FOXJ3: variants seen among roughly 807,000 people sequenced by gnomAD.
The protein encoded by FOXJ3 is forkhead box J3.
In FOXJ3, 22 loss-of-function variants were observed where a neutral mutation model predicts 76.1. The ratio of observed to expected loss-of-function variants is 0.29; its 90% CI spans 0.21 to 0.41. The LOEUF is 0.41. FOXJ3 is among the 10% of genes least tolerant of loss of function. FOXJ3 has a pLI of 1.00. For synonymous variants in FOXJ3, 269 were observed against 261.2 expected, an observed-to-expected ratio of 1.03 and a Z score of -0.29; for missense variants, 613 against 762.1, an observed-to-expected ratio of 0.80 and a Z score of 2.30.
At chr1:42,263,149 ATC>A (rs1484297611) in intron 4 of FOXJ3, among the ~76,000 whole-genome samples, 2 of 152,204 alleles carry the variant, frequency 1.3e-5, no homozygotes, top group African/African-American at 4.8e-5. Context: ...TGTTTTCCAT[ATC>A]TGTCTTACCC....
intron 4 of FOXJ3, among the ~76,000 whole-genome samples, chr1:42,257,402 G>C (rs1237373154): frequency 6.6e-6 from 1 of 152,052 alleles, no homozygotes; most frequent in Non-Finnish European, 1.5e-5. Context: ...AAAAAATCAA[G>C]GTAATCAAGA....
At chr1:42,284,080 G>A (rs1006899650) in intron 2 of FOXJ3, among the ~76,000 whole-genome samples, 10 of 152,076 alleles carry the variant, frequency 6.6e-5, no homozygotes, top group East Asian at 1.9e-4. Flanking sequence ...CATCCCAGCC[G>A]CAGACTGCCT....
chr1:42,309,741 T>G (rs975208839), intron 2 of FOXJ3, among the ~76,000 whole-genome samples: 2 of 152,230 alleles, frequency 1.3e-5, no homozygotes, highest in Non-Finnish European at 2.9e-5. Flanking sequence ...CCATCAACAC[T>G]TCATATTCTA....
At chr1:42,280,105 C>T (rs970201172) in intron 2 of FOXJ3, among the ~76,000 whole-genome samples, 4 of 152,112 alleles carry the variant, frequency 2.6e-5, no homozygotes, top group African/African-American at 7.2e-5. Context: ...AACAATAGTA[C>T]TTATGGTCAA....
At chr1:42,320,736 C>A (rs1655384835) in intron 1 of FOXJ3, among the ~76,000 whole-genome samples, 1 of 152,110 alleles carries the variant, frequency 6.6e-6, no homozygotes, top group South Asian at 2.1e-4. Context: ...AAAAGCTAAT[C>A]TACTGCAAAA....
At position 42,191,454 on chromosome 1, in the gene FOXJ3, T is replaced by A. The variant is rs747794049; in HGVS notation, c.1200A>T (p.Pro400=). Residue 400 remains proline, a synonymous_variant, in exon 9 of 13, where the codon CCA becomes CCT. Coordinates refer to ENST00000361346, the MANE Select transcript of FOXJ3 (RefSeq NM_014947.5). Reference sequence around the variant, plus strand: ...GGCTGTGTTGCTGTGGGTGTGGTGCTGGGTGTGGGGAACGCTGCGGATGCT... The same window carrying A: ...GGCTGTGTTGCTGTGGGTGTGGTGCAGGGTGTGGGGAACGCTGCGGATGCT... The part of the protein sequence containing the change: ...LPQHPQRSPH[P]APHPQQHSQL... 7 of 1,613,426 alleles carry A rather than the reference T, an allele frequency of 4.3e-6. No individual in the cohort carries two copies. The African/African-American group carries it at 9.4e-5, about 22-fold the overall frequency.
At chr1:42,257,478 G>A (rs115489870) in intron 4 of FOXJ3, among the ~76,000 whole-genome samples, 304 of 152,252 alleles carry the variant, frequency 2.0e-3, no homozygotes, top group African/African-American at 7.1e-3. Flanking sequence ...CACTTTGGGA[G>A]GCCAACGCGG....
Position 42,199,195 on chromosome 1 carries a change from A to C in FOXJ3, c.666T>G (p.Asp222Glu). ...TLYNTDQDGS[D>E]SPRSSLNNSL... ...TGTTGTTAAGGCTACTGCGTGGGCTATCACTACCATCCTGATCAGTGTTAT... is the reference window on the plus strand; with the variant it reads ...TGTTGTTAAGGCTACTGCGTGGGCTCTCACTACCATCCTGATCAGTGTTAT... The change falls in exon 7 of 13, where the codon GAT becomes GAG. Residue 222 changes from aspartate (D) to glutamate (E), a missense_variant. By Grantham distance (45) the Asp-to-Glu change is conservative (BLOSUM62 2). Around this residue, in one of 3 missense-constraint regions of FOXJ3, gnomAD observed 526 missense variants for 601.4 expected, o/e 0.87. Transcript: ENST00000361346. The C allele has an allele frequency of 6.2e-7, 1 of 1,613,020 alleles. No homozygotes were observed. The highest frequency in any genetic ancestry group is 2.2e-5 in the East Asian group (1 of 44,860).
At chr1:42,324,948 T>C (rs1178351345) in intron 1 of FOXJ3, among the ~76,000 whole-genome samples, 6 of 151,480 alleles carry the variant, frequency 4.0e-5, no homozygotes, top group Admixed American at 2.0e-4. Flanking sequence ...AAGATTATGA[T>C]GGCTTTGAGG....
At position 42,276,379 on chromosome 1, in the gene FOXJ3, G is replaced by C. The variant is rs576532635; in HGVS notation, c.369+1969C>G. ...TTAAAAAAAAGGGGGCGGGGGAAAG[G>C]GGAAGAGAGGGGAGAGAGTAATAAT... On this transcript the variant is annotated intron_variant, in intron 3 of 12. Coordinates refer to ENST00000361346, the MANE Select transcript of FOXJ3 (RefSeq NM_014947.5). 3.5e-4 allele frequency among the ~76,000 whole-genome samples: 53 copies of C among 152,116 alleles called. No homozygotes were observed. The South Asian group carries it at 0.011, about 31-fold the overall frequency.
At chr1:42,333,433 G>A (rs1656276992) in intron 1 of FOXJ3, among the ~76,000 whole-genome samples, 1 of 152,000 alleles carries the variant, frequency 6.6e-6, no homozygotes, top group African/African-American at 2.4e-5. Flanking sequence ...ATGAAAGCAT[G>A]AGAAACTTCC....
At chr1:42,251,903 G>A (rs1031304957) in intron 4 of FOXJ3, among the ~76,000 whole-genome samples, 1 of 151,784 alleles carries the variant, frequency 6.6e-6, no homozygotes, top group Non-Finnish European at 1.5e-5. Flanking sequence ...ATTTTTAGTA[G>A]AGACGGGGTT....
intron 5 of FOXJ3, among the ~76,000 whole-genome samples, chr1:42,222,411 G>A (rs994064255): frequency 1.3e-5 from 2 of 152,094 alleles, no homozygotes; most frequent in African/African-American, 4.8e-5. Context: ...TTTGGAGAAT[G>A]AATGCAGAAC....
upstream of FOXJ3, chr1:42,335,381 G>T (rs1043563951): frequency 6.6e-6 from 1 of 152,272 alleles, no homozygotes; most frequent in East Asian, 1.9e-4. Flanking sequence ...GACAAGTAGT[G>T]CCCTGAGACT....
chr1:42,275,794 C>T (rs1652216300), intron 3 of FOXJ3, among the ~76,000 whole-genome samples: 1 of 152,030 alleles, frequency 6.6e-6, no homozygotes, highest in East Asian at 1.9e-4. Flanking sequence ...AAGGAAGATA[C>T]AATATAGCCC....
intron 5 of FOXJ3, among the ~76,000 whole-genome samples, chr1:42,215,781 A>T (rs1025548593): frequency 4.6e-5 from 7 of 152,236 alleles, no homozygotes; most frequent in African/African-American, 1.7e-4. Flanking sequence ...GATGGAGGTC[A>T]TAAGACAGTG....
Position 42,236,523 on chromosome 1 carries a change from G to A in FOXJ3, c.445-8557C>T, listed in dbSNP as rs572595985. Among the ~76,000 whole-genome samples the A allele has an allele frequency of 9.5e-4, 145 of 152,238 alleles. 2 individuals carry two copies. The highest frequency in any genetic ancestry group is 3.7e-3 in the Admixed American group (56 of 15,296). ...TTTTATTTTTAAAATCAACTTTGCC[G>A]AAGTATATTTAAATAAAAATAAAAT... On this transcript the variant is annotated intron_variant, in intron 4 of 12. Transcript: ENST00000361346.
intron 2 of FOXJ3, among the ~76,000 whole-genome samples, chr1:42,289,789 G>A (rs1259520871): frequency 6.6e-6 from 1 of 152,080 alleles, no homozygotes; most frequent in Non-Finnish European, 1.5e-5. Flanking sequence ...ACCTGAGTTG[G>A]AGTTATTTTC....
At chr1:42,221,950 TA>T (rs35308694) in intron 5 of FOXJ3, among the ~76,000 whole-genome samples, 6,964 of 12,474 alleles carry the variant, frequency 0.56, 2,284 homozygotes, top group Non-Finnish European at 0.64. Context: ...CTGTCTCTAT[TA>T]AAAAAAAAAA....
Sources: gnomAD v4.1 joint callset for allele counts (sites outside exome capture counted in the v4.1 genomes callset) on GRCh38, gnomAD v4.1.1 for gene constraint, gnomAD v4.1.1 regional missense constraint, MANE v1.5 for transcripts, NCBI Gene and HGNC (gene_info 2026-07-23, HGNC 2026-07-21) for gene names.